Variants in RAPGEFL1 observed in about 807,000 individuals in gnomAD.
RAPGEFL1 encodes the protein Rap guanine nucleotide exchange factor like 1.
In RAPGEFL1, 31 loss-of-function variants were observed where a neutral mutation model predicts 64.4. The observed-to-expected ratio is 0.48, with a 90% CI of 0.36 to 0.65. The LOEUF is 0.65. Ranked by LOEUF, RAPGEFL1 falls within the 30% of genes least tolerant of loss-of-function variation. The pLI is 0.00. For synonymous variants in RAPGEFL1, 331 were observed against 274.1 expected (o/e 1.21, Z -2.05); for missense variants, 682 against 677.4 (o/e 1.01, Z -0.08).
In RAPGEFL1 at chr17:40,184,087, GC is replaced by G. The variant is rs1678345481; in HGVS notation, c.600-124del. ...TCGAACTCCTGACCTCAGGTGATCC[GC>G]CCGCCTCAGCTTCCCAAACTGCTGG... On this transcript the variant is annotated intron_variant, in intron 2 of 14. Transcript: ENST00000620260. The G allele has an allele frequency of 5.1e-5, 39 of 760,708 alleles. No homozygotes were observed. In the South Asian group the frequency reaches 5.7e-4, roughly 11 times the overall value. The allele number at this position is 760,708 out of a possible 1,614,324, so 47.1% of individuals were successfully genotyped here.
At chr17:40,181,282 G>C (rs764418909) in intron 1 of RAPGEFL1, 5 of 488,888 alleles carry the variant, frequency 1.0e-5, no homozygotes, top group Non-Finnish European at 2.0e-5. Context: ...ACTTCTGTGG[G>C]CTACTTCTTT....
At chr17:40,187,618 CTT>C (rs201737850) in intron 4 of RAPGEFL1, among the ~76,000 whole-genome samples, 2 of 147,868 alleles carry the variant, frequency 1.4e-5, no homozygotes, top group Non-Finnish European at 3.0e-5. Flanking sequence ...ACCATGTTTT[CTT>C]TTTTTTTTGA....
intron 4 of RAPGEFL1, among the ~76,000 whole-genome samples, chr17:40,187,618 C>CT (rs201737850): frequency 6.2e-4 from 92 of 147,944 alleles, no homozygotes; most frequent in Middle Eastern, 3.4e-3. Flanking sequence ...ACCATGTTTT[C>CT]TTTTTTTTTT....
intron 2 of RAPGEFL1, among the ~76,000 whole-genome samples, chr17:40,182,489 T>C (rs1989924533): frequency 6.6e-6 from 1 of 152,134 alleles, no homozygotes; most frequent in Admixed American, 6.6e-5. Context: ...CTTTTTGTAT[T>C]TTTTGGTGGA....
rs753367559 is a variant in RAPGEFL1 at position 40,194,870 on chromosome 17, A to C, written c.*1082A>C. ...CCTATACCTGGGGCAGGCAGCCCCA[A>C]AGTGGGGGAGGGGGATGGCAGAGAC... On this transcript the variant is annotated 3_prime_UTR_variant, in exon 15 of 15. Coordinates refer to ENST00000620260, the MANE Select transcript of RAPGEFL1 (RefSeq NM_016339.6). 6.6e-6 allele frequency: 1 copy of C among 152,570 alleles called. No homozygotes were observed. The highest frequency in any genetic ancestry group is 1.5e-5 in the Non-Finnish European group (1 of 68,142). 9.5% of individuals were successfully genotyped at this position (152,570 alleles called of 1,614,324 possible).
chr17:40,184,333 C>A lies in RAPGEFL1; in HGVS notation c.719C>A (p.Ala240Asp). The change falls in exon 3 of 15, where the codon GCC becomes GAC. Residue 240 changes from alanine to aspartate, a missense_variant. Transcript: ENST00000620260. ...YQGLLQEEEGAGHIIKDLYLL... is the reference protein window; with the variant it reads ...YQGLLQEEEGDGHIIKDLYLL... Reference sequence around the variant, plus strand: ...GGGCTGCTTCAAGAGGAAGAGGGGGCCGGCCACATCATCAAGGTGGGCCTG... The same window carrying A: ...GGGCTGCTTCAAGAGGAAGAGGGGGACGGCCACATCATCAAGGTGGGCCTG... 1 of 1,611,404 alleles carries A rather than the reference C, an allele frequency of 6.2e-7. No homozygotes were observed. The highest frequency in any genetic ancestry group is 8.5e-7 in the Non-Finnish European group (1 of 1,179,080).
At position 40,193,352 on chromosome 17, in the gene RAPGEFL1, T is replaced by C; in HGVS notation, c.1810-11T>C. Reference sequence around the variant, plus strand: ...TGCCCCTTTCAAGGCTCATTCCTTGTCATCTCCCAGCATTCAGTGGCCGAA... The same window carrying C: ...TGCCCCTTTCAAGGCTCATTCCTTGCCATCTCCCAGCATTCAGTGGCCGAA... On this transcript the variant is annotated splice_polypyrimidine_tract_variant and intron_variant, in intron 13 of 14. Transcript: ENST00000620260. The C allele has an allele frequency of 6.2e-7, 1 of 1,614,134 alleles. No homozygotes were observed. The highest frequency in any genetic ancestry group is 8.5e-7 in the Non-Finnish European group (1 of 1,180,012).
At position 40,177,498 on chromosome 17, in the gene RAPGEFL1, A is replaced by AGCCGCCGCC. The variant is rs566747235; in HGVS notation, c.-349_-341dup. 117 of 594,444 alleles carry AGCCGCCGCC rather than the reference A, an allele frequency of 2.0e-4. No homozygotes were observed. Among genetic ancestry groups the AGCCGCCGCC allele is most frequent in the African/African-American group, 9.9e-4 (52 of 52,498 alleles). 36.8% of individuals were successfully genotyped at this position (594,444 alleles called of 1,614,324 possible). ...TCCCCCTCTTCACGGCCAGGAGCGCAGCCGCCGCCGCCGCCGCCGCCGCGT... is the reference window on the plus strand; with the variant it reads ...TCCCCCTCTTCACGGCCAGGAGCGCAGCCGCCGCCGCCGCCGCCGCCGCCGCCGCCGCGT... On this transcript the variant is annotated 5_prime_UTR_variant, in exon 1 of 15. Coordinates refer to ENST00000620260, the MANE Select transcript of RAPGEFL1 (RefSeq NM_016339.6).
chr17:40,185,198 A>G (rs1252008905), intron 4 of RAPGEFL1, among the ~76,000 whole-genome samples: 1 of 152,126 alleles, frequency 6.6e-6, no homozygotes, highest in Admixed American at 6.5e-5. Context: ...GTACTGGTAA[A>G]TATTTAACAA....
chr17:40,192,103 C>T (rs1567697178), intron 10 of RAPGEFL1, 110 bp from the exon 11 acceptor site: 7 of 1,005,216 alleles, frequency 7.0e-6, no homozygotes, highest in Middle Eastern at 2.1e-4. Flanking sequence ...CAGCCCCCTA[C>T]AAGCCATGCA....
At chr17:40,188,763 A>G (rs2145217124) in intron 4 of RAPGEFL1, 103 bp from the exon 5 acceptor site, 1 of 873,096 alleles carries the variant, frequency 1.1e-6, no homozygotes, top group East Asian at 2.5e-5. Context: ...CTGCTGGTGC[A>G]TCCTTGACCC....
At chr17:40,193,226 C>A in intron 13 of RAPGEFL1, 137 bp from the exon 14 acceptor site, 1 of 1,048,412 alleles carries the variant, frequency 9.5e-7, no homozygotes, top group Non-Finnish European at 1.5e-6. Context: ...TACACCCACT[C>A]CTTTGGTCCT....
At chr17:40,180,921 G>A (rs1006033921) in intron 1 of RAPGEFL1, among the ~76,000 whole-genome samples, 1 of 152,224 alleles carries the variant, frequency 6.6e-6, no homozygotes, top group Non-Finnish European at 1.5e-5. Flanking sequence ...CCCCAGGGCT[G>A]GCTGCAAGTC....
At chr17:40,180,575 C>T (rs779008289) in intron 1 of RAPGEFL1, among the ~76,000 whole-genome samples, 13 of 152,280 alleles carry the variant, frequency 8.5e-5, no homozygotes, top group African/African-American at 9.6e-5. Context: ...CTAGGTTTTA[C>T]CCTAACACTC....
chr17:40,177,984 C>T lies in RAPGEFL1; in HGVS notation c.123C>T (p.Gly41=), dbSNP rs1267588630. ...CGGPGGGGGP[G]GGGGPAGGQR... is the part of the protein sequence containing the mutation. ...GGCCTGGAGGGGGTGGGGGACCCGG[C>T]GGGGGCGGCGGTCCAGCCGGGGGAC... Residue 41 remains glycine, a synonymous_variant, in exon 1 of 15, where the codon GGC becomes GGT. Coordinates refer to ENST00000620260, the MANE Select transcript of RAPGEFL1 (RefSeq NM_016339.6). 17 of 442,822 alleles carry T rather than the reference C, an allele frequency of 3.8e-5. No individual in the cohort carries two copies. The highest frequency in any genetic ancestry group is 4.6e-5 in the Admixed American group (1 of 21,862). The allele number at this position is 442,822 out of a possible 1,614,324, so 27.4% of individuals were successfully genotyped here. A position where few individuals can be genotyped will look rare whatever the true frequency, so the allele number is the denominator to read the frequency against.
In RAPGEFL1 at chr17:40,178,200, T is replaced by A. The variant is rs747188153; in HGVS notation, c.339T>A (p.Pro113=). 18 of 554,118 alleles carry A rather than the reference T, an allele frequency of 3.2e-5. No individual in the cohort carries two copies. Among genetic ancestry groups the A allele is most frequent in the Non-Finnish European group, 4.2e-5 (13 of 309,574 alleles). 34.3% of individuals were successfully genotyped at this position (554,118 alleles called of 1,614,324 possible). ...LQLEEVPGPG[P]LGGGGPLRSP... The stretch of plus-strand genomic sequence containing the variant: ...TGGAGGAGGTGCCGGGGCCCGGGCC[T>A]CTCGGGGGAGGGGGGCCCCTGCGCT... The change falls in exon 1 of 15, where the codon CCT becomes CCA. Residue 113 remains proline (P), a synonymous_variant. Coordinates refer to ENST00000620260, the MANE Select transcript of RAPGEFL1 (RefSeq NM_016339.6).
At chr17:40,185,987 T>G (rs1403562659) in intron 4 of RAPGEFL1, among the ~76,000 whole-genome samples, 1,847 of 131,084 alleles carry the variant, frequency 0.014, 53 homozygotes, top group African/African-American at 0.049. Flanking sequence ...AAAGGCCGGG[T>G]GCGGTGGCTC....
At chr17:40,183,290 A>T (rs1165934498) in intron 2 of RAPGEFL1, among the ~76,000 whole-genome samples, 1 of 151,952 alleles carries the variant, frequency 6.6e-6, no homozygotes, top group East Asian at 1.9e-4. Context: ...GGCTGGTCAG[A>T]GGTTGGATGG....
At chr17:40,183,835 C>T (rs908823950) in intron 2 of RAPGEFL1, among the ~76,000 whole-genome samples, 40 of 56,814 alleles carry the variant, frequency 7.0e-4, no homozygotes, top group Middle Eastern at 0.025. Flanking sequence ...TTTTTTTTGC[C>T]TTTTTTTTTT....
Sources: allele counts gnomAD v4.1 joint callset (sites outside exome capture counted in the v4.1 genomes callset), GRCh38; gene constraint gnomAD v4.1.1; transcripts MANE v1.5; gene names NCBI Gene and HGNC (gene_info 2026-07-23, HGNC 2026-07-21).